Variants in VWA5B2 observed in about 807,000 individuals in gnomAD.
VWA5B2 encodes the protein von Willebrand factor A domain-containing protein 5B2.
Under a neutral mutation model 118.5 loss-of-function variants are expected in VWA5B2, and 93 were observed. The observed-to-expected ratio is 0.79, with a 90% CI of 0.66 to 0.93. VWA5B2 has a LOEUF of 0.93. Ranked by LOEUF, VWA5B2 falls within the 40% of genes least tolerant of loss-of-function variation. The pLI is 0.00. For synonymous variants in VWA5B2, 708 were observed against 716.3 expected (o/e 0.99, Z 0.19); for missense variants, 1,546 against 1,672.8 (o/e 0.92, Z 1.32).
At position 184,241,194 on chromosome 3, in the gene VWA5B2, G is replaced by A. The variant is rs1718584589; in HGVS notation, c.2970G>A (p.Gln990=). 1.9e-6 allele frequency: 3 copies of A among 1,550,758 alleles called. No homozygotes were observed. In the East Asian group the frequency reaches 7.3e-5, roughly 38 times the overall value. Residue 990 remains glutamine, a synonymous_variant, in exon 19 of 20, where the codon CAG becomes CAA. Transcript: ENST00000691901. The surrounding 1 kb of genome is among the most constrained non-coding windows in gnomAD (Gnocchi z 5.1). Reference sequence around the variant, plus strand: ...TGATGATCCCCACTGCAGGACTTCAGAGAGGCTCTCCAGCAGGCGCCTGGG... The same window carrying A: ...TGATGATCCCCACTGCAGGACTTCAAAGAGGCTCTCCAGCAGGCGCCTGGG... The part of the protein sequence containing the change: ...LPTVVYSKGL[Q]RGSPAGAWDS...
Position 184,238,591 on chromosome 3 carries a change from G to C in VWA5B2, c.1920G>C (p.Thr640=). ...QSTDALTDPV[T]DPGPNPSDTA... ...CTGATGCTCTGACAGACCCAGTCAC[G>C]GATCCTGGACCCAACCCCTCTGACA... Residue 640 remains threonine (T), a synonymous_variant, in exon 14 of 20, where the codon ACG becomes ACC. Coordinates refer to ENST00000691901, the MANE Select transcript of VWA5B2 (RefSeq NM_001390846.1). This position sits in a 1 kb window ranked among gnomAD's most constrained non-coding sequence, Gnocchi z 5.0. 1 of 1,550,648 alleles carries C rather than the reference G, an allele frequency of 6.4e-7. No homozygotes were observed. The highest frequency in any genetic ancestry group is 1.4e-5 in the African/African-American group (1 of 73,154).
Position 184,230,738 on chromosome 3 carries a change from C to G in VWA5B2, c.140-9C>G. On this transcript the variant is annotated splice_polypyrimidine_tract_variant and intron_variant, in intron 2 of 19. Transcript: ENST00000691901. ...AGGGTCCGACGCCGCCTCCCGCCGC[C>G]CTCCCCAGGCGTGTTCGTGTACCCG... is the stretch of plus-strand genomic sequence containing the variant. 1 of 1,217,488 alleles carries G rather than the reference C, an allele frequency of 8.2e-7. No homozygotes were observed. The highest frequency in any genetic ancestry group is 1.0e-6 in the Non-Finnish European group (1 of 979,798). The allele number at this position is 1,217,488 out of a possible 1,614,324, so 75.4% of individuals were successfully genotyped here. A position where few individuals can be genotyped will look rare whatever the true frequency, so the allele number is the denominator to read the frequency against.
At position 184,241,472 on chromosome 3, in the gene VWA5B2, C is replaced by A. The variant is rs767688514; in HGVS notation, c.3181-18C>A. 41 of 1,551,492 alleles carry A rather than the reference C, an allele frequency of 2.6e-5. No individual in the cohort carries two copies. Among genetic ancestry groups the A allele is most frequent in the Admixed American group, 9.5e-5 (5 of 52,656 alleles). On this transcript the variant is annotated intron_variant, in intron 19 of 19. Transcript: ENST00000691901. This position sits in a 1 kb window ranked among gnomAD's most constrained non-coding sequence, Gnocchi z 5.1. The stretch of plus-strand genomic sequence containing the variant: ...CGCTGTTTCAGCTCGCTTCTCCCCC[C>A]ACCTCCTCTCTCCTCAGGTGCGGCT...
chr3:184,241,624 C>T lies in VWA5B2; in HGVS notation c.3315C>T (p.Ala1105=), dbSNP rs985200429. Residue 1105 remains alanine (A), a synonymous_variant, in exon 20 of 20, where the codon GCC becomes GCT. Transcript: ENST00000691901. The surrounding 1 kb of genome is among the most constrained non-coding windows in gnomAD (Gnocchi z 5.1). ...GCGCCAGCCTCAGCCCCACCTCGGC[C>T]TCATTGCCCTGGGCACTTCTGGGCC... ...VHRASLSPTS[A]SLPWALLGPG... 2 of 1,541,878 alleles carry T rather than the reference C, an allele frequency of 1.3e-6. No individual in the cohort carries two copies. Among genetic ancestry groups the T allele is most frequent in the Middle Eastern group, 1.7e-4 (1 of 5,976 alleles).
In VWA5B2 at chr3:184,234,351, G is replaced by C; in HGVS notation, c.774G>C (p.Glu258Asp). ...SAATICVTLA[E>D]GHHCDRALEI... ...CCACCATCTGTGTCACACTGGCAGAGGGCCACCACTGTGACCGGGCCTTGG... is the reference window on the plus strand; with the variant it reads ...CCACCATCTGTGTCACACTGGCAGACGGCCACCACTGTGACCGGGCCTTGG... Residue 258 changes from glutamate (E) to aspartate (D), a missense_variant, in exon 6 of 20, where the codon GAG becomes GAC. Glu to Asp is a conservative substitution (Grantham distance 45). Transcript: ENST00000691901. 3 of 1,551,732 alleles carry C rather than the reference G, an allele frequency of 1.9e-6. No individual in the cohort carries two copies. Among genetic ancestry groups the C allele is most frequent in the Non-Finnish European group, 2.6e-6 (3 of 1,147,018 alleles).
At position 184,237,648 on chromosome 3, in the gene VWA5B2, T is replaced by A. The variant is rs1303768581; in HGVS notation, c.1719+237T>A. ...TGTCCTGCAAAGTGTTACCCCTCAG[T>A]TTTTACCCAAGGTCACTAAAGCACA... On this transcript the variant is annotated intron_variant, in intron 12 of 19. Transcript: ENST00000691901. This position sits in a 1 kb window ranked among gnomAD's most constrained non-coding sequence, Gnocchi z 5.6. 6.6e-6 allele frequency among the ~76,000 whole-genome samples: 1 copy of A among 152,086 alleles called. No individual in the cohort carries two copies. The highest frequency in any genetic ancestry group is 1.5e-5 in the Non-Finnish European group (1 of 68,020).
rs776225488 is a variant in VWA5B2, at chr3:184,241,564, G to A, written c.3255G>A (p.Glu1085=). 13 of 1,548,814 alleles carry A rather than the reference G, an allele frequency of 8.4e-6. No homozygotes were observed. Among genetic ancestry groups the A allele is most frequent in the African/African-American group, 1.4e-5 (1 of 73,060 alleles). Residue 1085 remains glutamate, a synonymous_variant, in exon 20 of 20, where the codon GAG becomes GAA. Transcript: ENST00000691901. This position sits in a 1 kb window ranked among gnomAD's most constrained non-coding sequence, Gnocchi z 5.1. ...PFCAAVRISQ[E]RLCRASPFAV... is the part of the protein sequence containing the mutation. ...GCGCCGCTGTGCGCATCTCGCAGGA[G>A]CGCCTCTGCCGTGCCTCGCCCTTTG...
Position 184,234,314 on chromosome 3 carries a change from CCAGCT to C in VWA5B2, c.739_743del (p.Ser247CysfsTer15). The C allele has an allele frequency of 6.4e-7, 1 of 1,551,732 alleles. No homozygotes were observed. The highest frequency in any genetic ancestry group is 8.7e-7 in the Non-Finnish European group (1 of 1,147,006). On this transcript the variant is annotated frameshift_variant, in exon 6 of 20. Transcript: ENST00000691901. LOFTEE classifies it high-confidence loss of function. Reference sequence around the variant, plus strand: ...CTGCGGGCAGATGCCCCCCCTCATGCCAGCTCTGCAGCCACCATCTGTGTCACACT... The same window carrying C: ...CTGCGGGCAGATGCCCCCCCTCATGCCTGCAGCCACCATCTGTGTCACACT...
Position 184,241,754 on chromosome 3 carries a change from G to A in VWA5B2, c.3445G>A (p.Glu1149Lys), listed in dbSNP as rs894634721. The A allele has an allele frequency of 6.7e-7, 1 of 1,481,540 alleles. No individual in the cohort carries two copies. Among genetic ancestry groups the A allele is most frequent in the Non-Finnish European group, 8.9e-7 (1 of 1,118,792 alleles). 91.8% of individuals were successfully genotyped at this position (1,481,540 alleles called of 1,614,324 possible). ...GGACAGTGGGCGGGGCTCAGACACC[G>A]AGGCCTCCGAGGGGGCGGAAGGGCT... is the stretch of plus-strand genomic sequence containing the variant. ...QVDSGRGSDTEASEGAEGLGG... is the reference protein window; with the variant it reads ...QVDSGRGSDTKASEGAEGLGG... The change falls in exon 20 of 20, where the codon GAG (glutamate) becomes AAG (lysine). Residue 1149 changes from glutamate to lysine, a missense_variant. By Grantham distance (56) the Glu-to-Lys change is moderately conservative. Transcript: ENST00000691901. The surrounding 1 kb of genome is among the most constrained non-coding windows in gnomAD (Gnocchi z 5.1).
At position 184,238,345 on chromosome 3, in the gene VWA5B2, C is replaced by T; in HGVS notation, c.1762C>T (p.Pro588Ser). The change falls in exon 13 of 20, where the codon CCA becomes TCA. Residue 588 changes from proline (P) to serine (S), a missense_variant. This residue lies in a region of VWA5B2 where 775 missense variants were observed against 882.3 expected (regional missense o/e 0.88). Coordinates refer to ENST00000691901, the MANE Select transcript of VWA5B2 (RefSeq NM_001390846.1). The surrounding 1 kb of genome is among the most constrained non-coding windows in gnomAD (Gnocchi z 5.0). ...GCAGAGCTCGGGTGGGTCCGTGTTT[C>T]CATCCCCAGAAGAGGCCCCGTCTGC... Reference protein sequence around the residue: ...GWQSSGGSVFPSPEEAPSAAS... With the variant: ...GWQSSGGSVFSSPEEAPSAAS... 1 of 1,548,278 alleles carries T rather than the reference C, an allele frequency of 6.5e-7. No individual in the cohort carries two copies. The highest frequency in any genetic ancestry group is 1.4e-5 in the African/African-American group (1 of 73,142).
chr3:184,231,512 C>G (rs1347118824), intron 3 of VWA5B2, among the ~76,000 whole-genome samples: 1 of 152,238 alleles, frequency 6.6e-6, no homozygotes, highest in Non-Finnish European at 1.5e-5. Flanking sequence ...GAAACCCTCC[C>G]TGACTCTCCC....
Position 184,241,790 on chromosome 3 carries a change from G to T in VWA5B2, c.3481G>T (p.Asp1161Tyr). 1 of 1,496,690 alleles carries T rather than the reference G, an allele frequency of 6.7e-7. No homozygotes were observed. Among genetic ancestry groups the T allele is most frequent in the South Asian group, 1.3e-5 (1 of 75,874 alleles). The allele number at this position is 1,496,690 out of a possible 1,614,324, so 92.7% of individuals were successfully genotyped here. A position where few individuals can be genotyped will look rare whatever the true frequency, so the allele number is the denominator to read the frequency against. Reference protein sequence around the residue: ...SEGAEGLGGTDLRGRTWATAV... With the variant: ...SEGAEGLGGTYLRGRTWATAV... ...GGGGGCGGAAGGGCTGGGCGGCACC[G>T]ACCTGCGGGGCCGGACCTGGGCCAC... Residue 1161 changes from aspartate (D) to tyrosine (Y), a missense_variant, in exon 20 of 20, where the codon GAC becomes TAC. Coordinates refer to ENST00000691901, the MANE Select transcript of VWA5B2 (RefSeq NM_001390846.1). This position sits in a 1 kb window ranked among gnomAD's most constrained non-coding sequence, Gnocchi z 5.1.
chr3:184,238,352 CA>C lies in VWA5B2; in HGVS notation c.1770del (p.Glu591LysfsTer45). ...TCGGGTGGGTCCGTGTTTCCATCCC[CA>C]GAAGAGGCCCCGTCTGCTGCCAGCC... The part of the protein sequence containing the change: ...QSSGGSVFPS[P>X]EEAPSAASPG... On this transcript the variant is annotated frameshift_variant, in exon 13 of 20. Coordinates refer to ENST00000691901, the MANE Select transcript of VWA5B2 (RefSeq NM_001390846.1). LOFTEE classifies it high-confidence loss of function. This position sits in a 1 kb window ranked among gnomAD's most constrained non-coding sequence, Gnocchi z 5.0. The C allele has an allele frequency of 6.5e-7, 1 of 1,549,838 alleles. No homozygotes were observed. The highest frequency in any genetic ancestry group is 1.2e-5 in the South Asian group (1 of 83,938).
rs561488475 is a variant in VWA5B2 at position 184,238,022 on chromosome 3, A to C, written c.1720-281A>C. ...TTAATGAAAAGCTTTATCTCTTTAG[A>C]AGAACTCTGCACGCTTCCTCCTTTT... On this transcript the variant is annotated intron_variant, in intron 12 of 19. Transcript: ENST00000691901. This position sits in a 1 kb window ranked among gnomAD's most constrained non-coding sequence, Gnocchi z 5.0. 5.5e-4 allele frequency among the ~76,000 whole-genome samples: 83 copies of C among 152,248 alleles called. 1 individual carries two copies. The highest frequency in any genetic ancestry group is 2.5e-3 in the South Asian group (12 of 4,810).
chr3:184,229,776 C>A (rs1717181116), intron 1 of VWA5B2, among the ~76,000 whole-genome samples, 63 bp downstream of exon 1: 2 of 152,144 alleles, frequency 1.3e-5, no homozygotes, highest in South Asian at 4.1e-4. Flanking sequence ...GCATCCCCTG[C>A]GCGGGCCGCG....
Position 184,230,410 on chromosome 3 carries a change from G to A in VWA5B2, c.-119G>A, listed in dbSNP as rs957895709. 11 of 1,225,132 alleles carry A rather than the reference G, an allele frequency of 9.0e-6. No individual in the cohort carries two copies. Among genetic ancestry groups the A allele is most frequent in the African/African-American group, 1.6e-5 (1 of 62,690 alleles). The allele number at this position is 1,225,132 out of a possible 1,614,324, so 75.9% of individuals were successfully genotyped here. On this transcript the variant is annotated 5_prime_UTR_variant, in exon 2 of 20. Transcript: ENST00000691901. The stretch of plus-strand genomic sequence containing the variant: ...CCCGCTCGGCCTCGCGCCCCGGCAG[G>A]CCCCGTCCGGGTGCTGGAGTGAGAC...
chr3:184,235,230 G>C lies in VWA5B2; in HGVS notation c.1023G>C (p.Leu341=), dbSNP rs773792817. Residue 341 remains leucine, a synonymous_variant, in exon 8 of 20, where the codon CTG becomes CTC. Coordinates refer to ENST00000691901, the MANE Select transcript of VWA5B2 (RefSeq NM_001390846.1). ...PVLALSFCPD[L]SSKPGHLGTA... Reference sequence around the variant, plus strand: ...TGGCGCTGAGCTTCTGCCCAGACCTGAGCTCCAAGCCCGGACACCTGGGGA... The same window carrying C: ...TGGCGCTGAGCTTCTGCCCAGACCTCAGCTCCAAGCCCGGACACCTGGGGA... The C allele has an allele frequency of 6.4e-7, 1 of 1,551,644 alleles. No homozygotes were observed. Among genetic ancestry groups the C allele is most frequent in the South Asian group, 1.2e-5 (1 of 84,056 alleles).
At position 184,233,556 on chromosome 3, in the gene VWA5B2, C is replaced by T. The variant is rs1717637142; in HGVS notation, c.531-20C>T. Reference sequence around the variant, plus strand: ...GGGCCTTCACAGTGGCCCAGTGACCCTCCTCATGCTCCCTTCCAGCCCCAC... The same window carrying T: ...GGGCCTTCACAGTGGCCCAGTGACCTTCCTCATGCTCCCTTCCAGCCCCAC... On this transcript the variant is annotated intron_variant, in intron 4 of 19. Transcript: ENST00000691901. The surrounding 1 kb of genome is among the most constrained non-coding windows in gnomAD (Gnocchi z 5.2). 6.5e-7 allele frequency: 1 copy of T among 1,546,996 alleles called. No individual in the cohort carries two copies. The highest frequency in any genetic ancestry group is 1.4e-5 in the African/African-American group (1 of 72,994).
rs1289152048 is a variant in VWA5B2 at position 184,238,522 on chromosome 3, G to T, written c.1892-41G>T. ...GTGGCTGTATTGGAGTGGGCGCTGG[G>T]AGGGGTCAGGGCTAGGGCCCATTCT... On this transcript the variant is annotated intron_variant, in intron 13 of 19. Transcript: ENST00000691901. This position sits in a 1 kb window ranked among gnomAD's most constrained non-coding sequence, Gnocchi z 5.0. The T allele has an allele frequency of 6.5e-7, 1 of 1,535,334 alleles. No individual in the cohort carries two copies. The highest frequency in any genetic ancestry group is 1.2e-5 in the South Asian group (1 of 83,058).
Sources: gnomAD v4.1 joint callset for allele counts (sites outside exome capture counted in the v4.1 genomes callset) on GRCh38, gnomAD v4.1.1 for gene constraint, gnomAD v4.1.1 regional missense constraint, Gnocchi (gnomAD v3.1) non-coding constraint, MANE v1.5 for transcripts, NCBI Gene and HGNC (gene_info 2026-07-23, HGNC 2026-07-21) for gene names.